Variants in ABCG1 observed in about 807,000 individuals in gnomAD.
ABCG1 encodes ATP binding cassette subfamily G member 1.
In ABCG1, 29 loss-of-function variants were observed where a neutral mutation model predicts 69.2. The observed-to-expected ratio is 0.42, with a 90% CI of 0.31 to 0.57. The LOEUF (loss-of-function observed/expected upper bound fraction) is 0.57. ABCG1 is among the 20% of genes least tolerant of loss of function. The pLI, the probability that ABCG1 is intolerant of heterozygous loss-of-function variation, is 0.15. For synonymous variants in ABCG1, 370 were observed against 374.8 expected, an observed-to-expected ratio of 0.99 and a Z score of 0.15; for missense variants, 718 against 898.1, an observed-to-expected ratio of 0.80 and a Z score of 2.56.
chr21:42,285,971 C>A lies in ABCG1; in HGVS notation c.950C>A (p.Thr317Asn). The A allele has an allele frequency of 6.2e-7, 1 of 1,613,686 alleles. No individual in the cohort carries two copies. The highest frequency in any genetic ancestry group is 8.5e-7 in the Non-Finnish European group (1 of 1,179,618). Reference protein sequence around the residue: ...YLRDLGLNCPTYHNPADFVME... With the variant: ...YLRDLGLNCPNYHNPADFVME... ...AGGGATTTGGGTCTGAACTGCCCAA[C>A]CTACCACAACCCAGCAGATTTTGGT... is the stretch of plus-strand genomic sequence containing the variant. The change falls in exon 8 of 15, where the codon ACC (threonine) becomes AAC (asparagine). Residue 317 changes from threonine to asparagine, a missense_variant. Coordinates refer to ENST00000398449, the MANE Select transcript of ABCG1 (RefSeq NM_016818.3).
chr21:42,234,252 T>C (rs1034253953), intron 2 of ABCG1, among the ~76,000 whole-genome samples: 2 of 151,750 alleles, frequency 1.3e-5, no homozygotes, highest in African/African-American at 4.8e-5. Flanking sequence ...ACACCTGGAG[T>C]CCCAACTCCC....
chr21:42,211,985 G>A (rs773918737), upstream of ABCG1, among the ~76,000 whole-genome samples: 10 of 152,224 alleles, frequency 6.6e-5, no homozygotes, highest in Admixed American at 3.3e-4. Context: ...TGGGATTGAC[G>A]AACTTATTAA....
chr21:42,224,900 C>T (rs1437942365), intron 1 of ABCG1, among the ~76,000 whole-genome samples: 1 of 151,574 alleles, frequency 6.6e-6, no homozygotes, highest in East Asian at 1.9e-4. Context: ...ATGGTAGCTA[C>T]AAAAGATTAG....
At position 42,287,410 on chromosome 21, in the gene ABCG1, C is replaced by T. The variant is rs1051329266; in HGVS notation, c.974-479C>T. 6.6e-6 allele frequency among the ~76,000 whole-genome samples: 1 copy of T among 152,176 alleles called. No individual in the cohort carries two copies. Among genetic ancestry groups the T allele is most frequent in the Non-Finnish European group, 1.5e-5 (1 of 68,012 alleles). On this transcript the variant is annotated intron_variant, in intron 8 of 14. Coordinates refer to ENST00000398449, the MANE Select transcript of ABCG1 (RefSeq NM_016818.3). The surrounding 1 kb of genome is among the most constrained non-coding windows in gnomAD (Gnocchi z 6.2). The stretch of plus-strand genomic sequence containing the variant: ...GAGGGTCCCAGGACCTCCAAGTCCC[C>T]AGGGTGCCAGCCACTCATGTGGCGA...
At chr21:42,203,705 T>G (rs2067523251) in intron 2 of ABCG1, among the ~76,000 whole-genome samples, 1 of 152,250 alleles carries the variant, frequency 6.6e-6, no homozygotes, top group Non-Finnish European at 1.5e-5. Context: ...CCTTTATTCT[T>G]TGTTTTCAAA....
chr21:42,211,591 G>A (rs904596540), upstream of ABCG1, among the ~76,000 whole-genome samples: 1 of 151,862 alleles, frequency 6.6e-6, no homozygotes, highest in Non-Finnish European at 1.5e-5. Context: ...TAAGAGATGC[G>A]ATCCTGGGCC....
In ABCG1 at chr21:42,219,334, A is replaced by G; in HGVS notation, c.42+30A>G. The G allele has an allele frequency of 6.3e-7, 1 of 1,591,784 alleles. No individual in the cohort carries two copies. The highest frequency in any genetic ancestry group is 8.5e-7 in the Non-Finnish European group (1 of 1,172,346). ...GTGAGCGCATCCTTCGTCCGCCGGG[A>G]ACGGTTTTATTTTCAAGGAGAGCAG... On this transcript the variant is annotated intron_variant, in intron 1 of 14. Coordinates refer to ENST00000398449, the MANE Select transcript of ABCG1 (RefSeq NM_016818.3). The surrounding 1 kb of genome is among the most constrained non-coding windows in gnomAD (Gnocchi z 5.3).
Position 42,296,090 on chromosome 21 carries a change from A to G in ABCG1, c.1773-74A>G, listed in dbSNP as rs918961866. 1.8e-5 allele frequency: 24 copies of G among 1,320,104 alleles called. No individual in the cohort carries two copies. In the Admixed American group the frequency reaches 3.9e-4, roughly 22 times the overall value. 81.8% of individuals were successfully genotyped at this position (1,320,104 alleles called of 1,614,324 possible). A position where few individuals can be genotyped will look rare whatever the true frequency, so the allele number is the denominator to read the frequency against. ...AAGCTGGGAATCGCAGGGAGGGTGA[A>G]CGACATTGACCTTCAGCCAACGGCG... On this transcript the variant is annotated intron_variant, in intron 14 of 14. Coordinates refer to ENST00000398449, the MANE Select transcript of ABCG1 (RefSeq NM_016818.3). This position sits in a 1 kb window ranked among gnomAD's most constrained non-coding sequence, Gnocchi z 5.4.
chr21:42,237,802 G>A (rs1425591723), intron 2 of ABCG1, among the ~76,000 whole-genome samples: 1 of 152,218 alleles, frequency 6.6e-6, no homozygotes, highest in Admixed American at 6.5e-5. Flanking sequence ...GGTGGTTTCT[G>A]AGGGCTGTTT....
intron 2 of ABCG1, among the ~76,000 whole-genome samples, chr21:42,235,111 C>G (rs1225066164): frequency 1.3e-5 from 2 of 152,208 alleles, no homozygotes; most frequent in Non-Finnish European, 2.9e-5. Context: ...TTCTCCTCCC[C>G]AGGTCCAGGA....
chr21:42,283,812 CTGTCCCG>C, intron 6 of ABCG1, among the ~76,000 whole-genome samples: 2 of 81,274 alleles, frequency 2.5e-5, no homozygotes, highest in African/African-American at 1.1e-4. Context: ...CCCCCCACCT[CTGTCCCG>C]CCTGGACAGT....
intron 2 of ABCG1, among the ~76,000 whole-genome samples, chr21:42,238,339 G>A (rs1014393454): frequency 3.9e-5 from 6 of 152,144 alleles, no homozygotes; most frequent in Non-Finnish European, 7.3e-5. Context: ...AACACTCTGA[G>A]CTCTGTGCTT....
intron 14 of ABCG1, chr21:42,295,335 A>T: frequency 9.0e-5 from 1 of 11,156 alleles, no homozygotes; most frequent in East Asian, 1.4e-3. Flanking sequence ...CGTCTCAATA[A>T]AAAAAAAAAA....
chr21:42,279,660 C>A (rs2068772481), intron 5 of ABCG1, among the ~76,000 whole-genome samples: 1 of 152,272 alleles, frequency 6.6e-6, no homozygotes, highest in Non-Finnish European at 1.5e-5. Flanking sequence ...TGCTTCCCTG[C>A]AGCATAAGGC....
chr21:42,218,588 A>G (rs1220076157), upstream of ABCG1, among the ~76,000 whole-genome samples: 2 of 152,172 alleles, frequency 1.3e-5, no homozygotes, highest in South Asian at 2.1e-4. Flanking sequence ...CACATGTGTG[A>G]GTGCACACGA....
chr21:42,217,933 T>C (rs1298428310), upstream of ABCG1, among the ~76,000 whole-genome samples: 1 of 152,030 alleles, frequency 6.6e-6, no homozygotes, highest in African/African-American at 2.4e-5. Flanking sequence ...CCTCCCAAAG[T>C]GGTGGGATTA....
intron 2 of ABCG1, among the ~76,000 whole-genome samples, chr21:42,248,834 A>G (rs917279625): frequency 6.7e-6 from 1 of 148,358 alleles, no homozygotes; most frequent in African/African-American, 2.5e-5. Context: ...AGCCAGGGAG[A>G]TTGAGGTTGC....
intron 2 of ABCG1, among the ~76,000 whole-genome samples, chr21:42,253,526 C>T (rs1474754066): frequency 6.6e-6 from 1 of 152,172 alleles, no homozygotes; most frequent in Non-Finnish European, 1.5e-5. Context: ...GAGGCAGTCA[C>T]GATGCCATTG....
rs1330652733 is a variant in ABCG1 at position 42,273,917 on chromosome 21, G to A, written c.537+482G>A. ...TGGGAAAATGAAACCAGCAGTGGCCGAGCATCTCCTGGGTCCCAGGCCCTG... is the reference window on the plus strand; with the variant it reads ...TGGGAAAATGAAACCAGCAGTGGCCAAGCATCTCCTGGGTCCCAGGCCCTG... On this transcript the variant is annotated intron_variant, in intron 4 of 14. Transcript: ENST00000398449. This position sits in a 1 kb window ranked among gnomAD's most constrained non-coding sequence, Gnocchi z 5.3. Among the ~76,000 whole-genome samples the A allele has an allele frequency of 6.6e-6, 1 of 152,104 alleles. No homozygotes were observed. The highest frequency in any genetic ancestry group is 1.5e-5 in the Non-Finnish European group (1 of 68,020).
Sources: gnomAD v4.1 joint callset for allele counts (sites outside exome capture counted in the v4.1 genomes callset) on GRCh38, gnomAD v4.1.1 for gene constraint, Gnocchi (gnomAD v3.1) non-coding constraint, MANE v1.5 for transcripts, NCBI Gene and HGNC (gene_info 2026-07-23, HGNC 2026-07-21) for gene names.